SP100: variants seen among roughly 807,000 people sequenced by gnomAD.
SP100 encodes nuclear autoantigen Sp-100.
SP100 carries 84 observed loss-of-function variants against 130.0 expected under a neutral mutation model. The ratio of observed to expected loss-of-function variants is 0.65; its 90% CI spans 0.54 to 0.77. The LOEUF (loss-of-function observed/expected upper bound fraction) is 0.77, where lower values mean the gene tolerates loss of function less well. Among genes scored for constraint, SP100 ranks in the 30% least tolerant of loss-of-function variants. The pLI, the probability that SP100 is intolerant of heterozygous loss-of-function variation, is 0.00. For missense variants in SP100, 978 were observed against 1,052.2 expected, an observed-to-expected ratio of 0.93 and a Z score of 0.97; for synonymous variants, 331 against 351.7, an observed-to-expected ratio of 0.94 and a Z score of 0.66.
In SP100 at chr2:230,470,922, A is replaced by G. The variant is rs978247963; in HGVS notation, c.1429+824A>G. On this transcript the variant is annotated intron_variant, in intron 15 of 28. Coordinates refer to ENST00000340126, the MANE Select transcript of SP100 (RefSeq NM_001080391.2). Reference sequence around the variant, plus strand: ...TGTGTGTGTGTGTGTGTACACATGCATATATTTGTTACATATAACATGTAT... The same window carrying G: ...TGTGTGTGTGTGTGTGTACACATGCGTATATTTGTTACATATAACATGTAT... 2.6e-5 allele frequency among the ~76,000 whole-genome samples: 4 copies of G among 151,840 alleles called. No individual in the cohort carries two copies. The East Asian group carries it at 7.7e-4, about 29-fold the overall frequency.
chr2:230,504,268 A>T lies in SP100; in HGVS notation c.1848A>T (p.Leu616=), dbSNP rs1348880559. ...PVTCGEVKGT[L]YKERFKQGTS... Reference sequence around the variant, plus strand: ...CCTGTGGTGAGGTGAAGGGCACTCTATATAAGGAGCGATTCAAACAAGGTG... The same window carrying T: ...CCTGTGGTGAGGTGAAGGGCACTCTTTATAAGGAGCGATTCAAACAAGGTG... The change falls in exon 21 of 29, where the codon CTA becomes CTT. Residue 616 remains leucine, a synonymous_variant. Coordinates refer to ENST00000340126, the MANE Select transcript of SP100 (RefSeq NM_001080391.2). 2.5e-6 allele frequency: 4 copies of T among 1,605,200 alleles called. No individual in the cohort carries two copies. Among genetic ancestry groups the T allele is most frequent in the Non-Finnish European group, 3.4e-6 (4 of 1,172,728 alleles).
At chr2:230,541,193 G>C in intron 26 of SP100, 108 bp from the exon 27 acceptor site, 3 of 1,245,996 alleles carry the variant, frequency 2.4e-6, no homozygotes, top group Non-Finnish European at 3.4e-6. Context: ...TGCCATGTTT[G>C]TTTCAAAGAG....
intron 16 of SP100, 50 bp downstream of exon 16, chr2:230,473,490 AGACACTG>A (rs754237253): frequency 2.2e-5 from 24 of 1,101,684 alleles, no homozygotes; most frequent in Non-Finnish European, 3.2e-5. Context: ...TGGATATCAC[AGACACTG>A]GGTAGGGATG....
At chr2:230,520,833 C>T (rs1054729790) in intron 24 of SP100, among the ~76,000 whole-genome samples, 3 of 152,184 alleles carry the variant, frequency 2.0e-5, no homozygotes, top group Non-Finnish European at 2.9e-5. Flanking sequence ...ACTCTTCACA[C>T]CAGAATTGTC....
rs998499472 is a variant in SP100 at position 230,470,023 on chromosome 2, A to C, written c.1354A>C (p.Ser452Arg). Reference protein sequence around the residue: ...RIPSRKRRFSSSDFSDLSNGE... With the variant: ...RIPSRKRRFSRSDFSDLSNGE... ...TTTATTTTTTTCTGCAGGTTTCAGC[A>C]GTAGTGACTTTTCAGACCTGAGTAA... is the stretch of plus-strand genomic sequence containing the variant. The change falls in exon 15 of 29, where the codon AGT becomes CGT. Residue 452 changes from serine (S) to arginine (R), a missense_variant. Physicochemically the swap from Ser to Arg is moderately radical, Grantham distance 110 (BLOSUM62 -1). Transcript: ENST00000340126. The C allele has an allele frequency of 6.2e-7, 1 of 1,612,434 alleles. No homozygotes were observed. Among genetic ancestry groups the C allele is most frequent in the Non-Finnish European group, 8.5e-7 (1 of 1,179,162 alleles).
In SP100 at chr2:230,416,309, G is replaced by C; in HGVS notation, c.13G>C (p.Gly5Arg). 6.2e-7 allele frequency: 1 copy of C among 1,613,636 alleles called. No homozygotes were observed. Among genetic ancestry groups the C allele is most frequent in the East Asian group, 2.2e-5 (1 of 44,868 alleles). Reference sequence around the variant, plus strand: ...CTAGGGTGGGAAGATGGCAGGTGGGGGCGGCGACCTGAGCACCAGGTGAGT... The same window carrying C: ...CTAGGGTGGGAAGATGGCAGGTGGGCGCGGCGACCTGAGCACCAGGTGAGT... MAGG[G>R]GDLSTRRLNE... Residue 5 changes from glycine to arginine, a missense_variant, in exon 1 of 29, where the codon GGC (glycine) becomes CGC (arginine). Gly to Arg is a moderately radical substitution (Grantham distance 125). Coordinates refer to ENST00000340126, the MANE Select transcript of SP100 (RefSeq NM_001080391.2).
intron 2 of SP100, among the ~76,000 whole-genome samples, chr2:230,423,414 T>G (rs2149860359): frequency 6.6e-6 from 1 of 152,284 alleles, no homozygotes; most frequent in East Asian, 1.9e-4. Context: ...ATCTTTCCAT[T>G]TTGTTGGTCT....
chr2:230,500,852 G>C (rs1469364825), intron 19 of SP100, among the ~76,000 whole-genome samples: 7 of 152,186 alleles, frequency 4.6e-5, no homozygotes, highest in Non-Finnish European at 1.0e-4. Context: ...GATCGATCTA[G>C]AGCAATTTTA....
intron 16 of SP100, 30 bp downstream of exon 16, chr2:230,473,470 A>G (rs745461982): frequency 2.8e-5 from 36 of 1,306,878 alleles, no homozygotes; most frequent in Admixed American, 1.3e-4. Flanking sequence ...TTGGGATGGA[A>G]GTGGCTCAGT....
At chr2:230,419,242 C>A (rs1490085978) in intron 2 of SP100, among the ~76,000 whole-genome samples, 1 of 152,176 alleles carries the variant, frequency 6.6e-6, no homozygotes, top group Non-Finnish European at 1.5e-5. Context: ...ACATTAAATG[C>A]AAAATTCCAG....
At chr2:230,463,891 T>G in intron 10 of SP100, 176 bp from the exon 11 acceptor site, 1 of 485,304 alleles carries the variant, frequency 2.1e-6, no homozygotes, top group Non-Finnish European at 3.8e-6. Flanking sequence ...AAGAATGGAG[T>G]ATCACTAACC....
chr2:230,514,893 A>T, intron 24 of SP100: 1 of 723,218 alleles, frequency 1.4e-6, no homozygotes, highest in Non-Finnish European at 2.1e-6. Flanking sequence ...AAGGGACATT[A>T]CTTAACACGA....
intron 24 of SP100, chr2:230,538,020 G>C (rs1692013669): frequency 6.6e-6 from 1 of 152,200 alleles, no homozygotes; most frequent in South Asian, 2.1e-4. Context: ...CTGCATTAGA[G>C]GCCAGAGTTC....
At chr2:230,467,353 A>C in intron 13 of SP100, 138 bp downstream of exon 13, 3 of 657,018 alleles carry the variant, frequency 4.6e-6, no homozygotes. Flanking sequence ...TGAAAAATGC[A>C]AAGAAAGAAG....
intron 17 of SP100, among the ~76,000 whole-genome samples, chr2:230,477,464 A>G (rs2065614009): frequency 6.6e-6 from 1 of 152,130 alleles, no homozygotes; most frequent in Non-Finnish European, 1.5e-5. Context: ...GTTTGATATA[A>G]CTGATCATTT....
At chr2:230,527,333 T>C (rs1429875915) in intron 24 of SP100, among the ~76,000 whole-genome samples, 1 of 152,152 alleles carries the variant, frequency 6.6e-6, no homozygotes, top group African/African-American at 2.4e-5. Context: ...CTAAACTTCA[T>C]AAGTGAAGGA....
In SP100 at chr2:230,539,323, C is replaced by T. The variant is rs370133777; in HGVS notation, c.2151C>T (p.Cys717=). 37 of 1,613,844 alleles carry T rather than the reference C, an allele frequency of 2.3e-5. No homozygotes were observed. Among genetic ancestry groups the T allele is most frequent in the East Asian group, 8.9e-5 (4 of 44,900 alleles). The change falls in exon 25 of 29, where the codon TGC becomes TGT. Residue 717 remains cysteine (C), a synonymous_variant. Coordinates refer to ENST00000340126, the MANE Select transcript of SP100 (RefSeq NM_001080391.2). The part of the protein sequence containing the change: ...VCNKWGRLFC[C]DTCPRSFHEH... ...ACAAATGGGGACGGCTGTTCTGCTG[C>T]GACACTTGTCCAAGATCCTTTCATG...
intron 8 of SP100, among the ~76,000 whole-genome samples, chr2:230,452,088 T>A (rs1203183045): frequency 6.6e-6 from 1 of 152,228 alleles, no homozygotes; most frequent in Non-Finnish European, 1.5e-5. Context: ...GCTTTGTTCT[T>A]TTTGTTTAAA....
chr2:230,511,351 T>C (rs981552991), intron 24 of SP100, among the ~76,000 whole-genome samples, 185 bp downstream of exon 24: 1 of 152,140 alleles, frequency 6.6e-6, no homozygotes, highest in Non-Finnish European at 1.5e-5. Context: ...AAGCAGCCTT[T>C]TGTTTCAGTA....
Sources: gnomAD v4.1 joint callset for allele counts (sites outside exome capture counted in the v4.1 genomes callset) on GRCh38, gnomAD v4.1.1 for gene constraint, MANE v1.5 for transcripts, NCBI Gene and HGNC (gene_info 2026-07-23, HGNC 2026-07-21) for gene names.